Variants in CHODL observed in about 807,000 individuals in gnomAD.
CHODL encodes transmembrane protein MT75.
A neutral mutation model predicts 34.5 loss-of-function variants in CHODL; 29 were observed. The observed-to-expected ratio is 0.84, with a 90% confidence interval of 0.63 to 1.15. The LOEUF is 1.15. Ranked by LOEUF, CHODL falls within the 50% of genes most tolerant of loss-of-function variation. The pLI is 0.00. For synonymous variants in CHODL, 125 were observed against 116.1 expected, an observed-to-expected ratio of 1.08 and a Z score of -0.49; for missense variants, 332 against 332.5, an observed-to-expected ratio of 1.00 and a Z score of 0.01.
In CHODL at chr21:18,132,345, C is replaced by G. The variant is rs568891402; in HGVS notation, c.-45+104374C>G. On this transcript the variant is annotated intron_variant, in intron 2 of 6. Transcript: ENST00000400127. Reference sequence around the variant, plus strand: ...ATTCTTCCCACTTCTCACTTATCATCTGATTAAGCATTTTGCAGATATGAC... The same window carrying G: ...ATTCTTCCCACTTCTCACTTATCATGTGATTAAGCATTTTGCAGATATGAC... Among the ~76,000 whole-genome samples, 259 of 152,236 alleles carry G rather than the reference C, an allele frequency of 1.7e-3. 6 individuals carry two copies. In the South Asian group the frequency reaches 0.026, roughly 15 times the overall value.
chr21:18,199,605 C>T (rs1355988073), intron 2 of CHODL, among the ~76,000 whole-genome samples: 1 of 151,946 alleles, frequency 6.6e-6, no homozygotes, highest in Non-Finnish European at 1.5e-5. Context: ...CCCTTTGTTC[C>T]ACCTATTTAT....
intron 2 of CHODL, among the ~76,000 whole-genome samples, chr21:18,052,127 A>G (rs1403649528): frequency 2.0e-5 from 3 of 152,140 alleles, no homozygotes; most frequent in Admixed American, 6.6e-5. Context: ...ATTTACCAGG[A>G]GAAGTTTATT....
At chr21:17,962,464 A>C (rs756272368) in intron 1 of CHODL, among the ~76,000 whole-genome samples, 7 of 152,126 alleles carry the variant, frequency 4.6e-5, no homozygotes, top group Non-Finnish European at 1.5e-5. Context: ...GATTCTCTTG[A>C]GTTCTCTTCC....
Position 17,978,452 on chromosome 21 carries a change from C to T in CHODL, c.-144-49420C>T, listed in dbSNP as rs560211159. The stretch of plus-strand genomic sequence containing the variant: ...AAAAAAAAAAGGCCGGGCGCGGTGG[C>T]GCACGCCTGTAATCCCAGCACTTTG... On this transcript the variant is annotated intron_variant, in intron 1 of 6. Transcript: ENST00000400127. Among the ~76,000 whole-genome samples, 172 of 149,614 alleles carry T rather than the reference C, an allele frequency of 1.1e-3. 1 individual carries two copies. The highest frequency in any genetic ancestry group is 3.4e-3 in the African/African-American group (138 of 40,570).
chr21:18,091,546 C>G (rs1206942680), intron 2 of CHODL, among the ~76,000 whole-genome samples: 5 of 152,140 alleles, frequency 3.3e-5, no homozygotes, highest in Admixed American at 2.6e-4. Flanking sequence ...GGATAGGGCA[C>G]TGAGCAGACT....
At chr21:18,200,439 G>A (rs1172175484) in intron 2 of CHODL, among the ~76,000 whole-genome samples, 1 of 152,084 alleles carries the variant, frequency 6.6e-6, no homozygotes, top group African/African-American at 2.4e-5. Context: ...ACTTTTATCT[G>A]TGGAAGTCTT....
chr21:17,923,610 C>T (rs560487590), intron 1 of CHODL, among the ~76,000 whole-genome samples: 30 of 151,982 alleles, frequency 2.0e-4, no homozygotes, highest in South Asian at 1.5e-3. Flanking sequence ...TACAGGTGCC[C>T]GCCACTATGT....
At chr21:18,045,747 C>T (rs1009023362) in intron 2 of CHODL, among the ~76,000 whole-genome samples, 3 of 151,928 alleles carry the variant, frequency 2.0e-5, no homozygotes, top group Admixed American at 2.0e-4. Context: ...GTCAAGAGCA[C>T]TTATGAATGA....
intron 1 of CHODL, among the ~76,000 whole-genome samples, chr21:18,001,534 G>T (rs371782473): frequency 9.2e-5 from 14 of 152,292 alleles, no homozygotes; most frequent in Middle Eastern, 3.4e-3. Flanking sequence ...TCATGCTAAG[G>T]ATTACTCAGG....
chr21:18,092,717 A>G (rs2065088741), intron 2 of CHODL, among the ~76,000 whole-genome samples: 1 of 152,252 alleles, frequency 6.6e-6, no homozygotes, highest in African/African-American at 2.4e-5. Flanking sequence ...AGAATAGATT[A>G]TGCAGAAGAA....
chr21:18,259,368 A>AGT (rs1157396229), intron 3 of CHODL, among the ~76,000 whole-genome samples: 2 of 152,168 alleles, frequency 1.3e-5, no homozygotes, highest in African/African-American at 2.4e-5. Flanking sequence ...ACAATTTTAA[A>AGT]GTGTGTAGCA....
intron 2 of CHODL, among the ~76,000 whole-genome samples, chr21:18,225,463 T>C (rs2073922779): frequency 6.6e-6 from 1 of 152,170 alleles, no homozygotes; most frequent in Non-Finnish European, 1.5e-5. Context: ...ATTATTATTC[T>C]ATTTGACATT....
intron 2 of CHODL, among the ~76,000 whole-genome samples, chr21:18,155,193 A>C (rs1396894770): frequency 5.9e-5 from 9 of 152,158 alleles, no homozygotes; most frequent in African/African-American, 2.2e-4. Flanking sequence ...AGAGATGTGT[A>C]AAAGTCAGGT....
chr21:18,122,518 G>GA (rs2065492244), intron 2 of CHODL, among the ~76,000 whole-genome samples: 1 of 151,100 alleles, frequency 6.6e-6, no homozygotes, highest in South Asian at 2.1e-4. Flanking sequence ...AAAAAACAAG[G>GA]AAAAATCCCT....
chr21:18,125,080 G>A (rs971202426), intron 2 of CHODL, among the ~76,000 whole-genome samples: 1 of 152,176 alleles, frequency 6.6e-6, no homozygotes, highest in Admixed American at 6.5e-5. Flanking sequence ...CTAATTTGCA[G>A]CTCCAACACT....
intron 2 of CHODL, among the ~76,000 whole-genome samples, chr21:18,229,033 T>G (rs2073955864): frequency 6.6e-6 from 1 of 152,140 alleles, no homozygotes; most frequent in Middle Eastern, 3.2e-3. Context: ...GGTCAATAAT[T>G]TATTTATGAA....
At chr21:18,076,878 G>C (rs532711920) in intron 2 of CHODL, among the ~76,000 whole-genome samples, 1 of 152,308 alleles carries the variant, frequency 6.6e-6, no homozygotes, top group East Asian at 1.9e-4. Context: ...CATCCCCAGG[G>C]AGCTGTGGTC....
chr21:18,030,559 A>T (rs961258437), intron 2 of CHODL, among the ~76,000 whole-genome samples: 6 of 152,176 alleles, frequency 3.9e-5, no homozygotes, highest in Non-Finnish European at 8.8e-5. Context: ...TTACATAGAA[A>T]TACATAAGTA....
chr21:18,110,661 C>T (rs537739170), intron 2 of CHODL, among the ~76,000 whole-genome samples: 1 of 152,272 alleles, frequency 6.6e-6, no homozygotes, highest in East Asian at 1.9e-4. Flanking sequence ...TATTTCATAA[C>T]ATACTTTAGA....
Sources: allele counts gnomAD v4.1 joint callset (sites outside exome capture counted in the v4.1 genomes callset), GRCh38; gene constraint gnomAD v4.1.1; transcripts MANE v1.5; gene names NCBI Gene and HGNC (gene_info 2026-07-23, HGNC 2026-07-21).